Variants in CNTRL observed in about 807,000 individuals in gnomAD.
CNTRL encodes the protein 110 kDa centrosomal protein.
CNTRL carries 233 observed loss-of-function variants against 303.7 expected under a neutral mutation model. The observed-to-expected ratio is 0.77, with a 90% CI of 0.69 to 0.86. CNTRL has a LOEUF of 0.86. CNTRL is among the 40% of genes least tolerant of loss of function. CNTRL has a pLI of 0.00. For synonymous variants in CNTRL, 900 were observed against 922.2 expected (o/e 0.98, Z 0.44); for missense variants, 2,524 against 2,650.6 (o/e 0.95, Z 1.05).
chr9:121,163,179 A>G (rs2052930820), intron 34 of CNTRL, among the ~76,000 whole-genome samples: 1 of 69,868 alleles, frequency 1.4e-5, no homozygotes. Context: ...GTCTCTGCCA[A>G]AAAAAAAAAA....
At chr9:121,108,612 TTA>T (rs1198101334) in intron 8 of CNTRL, among the ~76,000 whole-genome samples, 1 of 152,128 alleles carries the variant, frequency 6.6e-6, no homozygotes, top group Non-Finnish European at 1.5e-5. Flanking sequence ...CTCTATGTCA[TTA>T]TGTTATTTTT....
chr9:121,161,354 C>T (rs142487195), intron 32 of CNTRL: 14 of 401,756 alleles, frequency 3.5e-5, no homozygotes, highest in African/African-American at 2.5e-4. Context: ...ATTTCAAAGG[C>T]CAAAAAATTG....
intron 6 of CNTRL, among the ~76,000 whole-genome samples, chr9:121,097,820 A>G (rs753353292): frequency 5.3e-5 from 8 of 152,218 alleles, no homozygotes; most frequent in Non-Finnish European, 8.8e-5. Flanking sequence ...TGACATTGGC[A>G]TTATGAAGAG....
intron 11 of CNTRL, among the ~76,000 whole-genome samples, chr9:121,117,882 G>A (rs1233056299): frequency 3.3e-5 from 5 of 152,136 alleles, no homozygotes; most frequent in Middle Eastern, 3.4e-3. Context: ...GGGAGGCTGA[G>A]GCAGGAGAAT....
chr9:121,165,208 C>A, intron 35 of CNTRL, 108 bp downstream of exon 35: 3 of 1,092,112 alleles, frequency 2.7e-6, no homozygotes, highest in Non-Finnish European at 3.9e-6. Context: ...GTGTTTCTTT[C>A]TAAAATTAGA....
chr9:121,160,068 A>T (rs1262686348), intron 31 of CNTRL, 75 bp from the exon 32 acceptor site: 1 of 1,151,406 alleles, frequency 8.7e-7, no homozygotes, highest in Non-Finnish European at 1.2e-6. Context: ...TAAAACAATA[A>T]ATAACAGAAC....
rs1475824642 is a variant in CNTRL at position 121,168,273 on chromosome 9, G to A, written c.6022G>A (p.Glu2008Lys). The change falls in exon 38 of 44, where the codon GAA becomes AAA. Residue 2008 changes from glutamate to lysine, a missense_variant. Physicochemically the swap from Glu to Lys is moderately conservative, Grantham distance 56 (BLOSUM62 1). Coordinates refer to ENST00000373855, the MANE Select transcript of CNTRL (RefSeq NM_007018.6). ...AAEERVRTLQEEERWCESLEK... is the reference protein window; with the variant it reads ...AAEERVRTLQKEERWCESLEK... ...TGAAGAGCGTGTTAGGACTCTGCAG[G>A]AAGAGGAGAGGTGGTGTGAGAGCCT... The A allele has an allele frequency of 6.2e-7, 1 of 1,614,180 alleles. No homozygotes were observed. The highest frequency in any genetic ancestry group is 8.5e-7 in the Non-Finnish European group (1 of 1,180,034).
At position 121,118,676 on chromosome 9, in the gene CNTRL, T is replaced by A. The variant is rs928050888; in HGVS notation, c.1650+136T>A. The A allele has an allele frequency of 3.9e-4, 224 of 578,998 alleles. 1 individual carries two copies. Among genetic ancestry groups the A allele is most frequent in the Non-Finnish European group, 8.6e-5 (31 of 361,222 alleles). 35.9% of individuals were successfully genotyped at this position (578,998 alleles called of 1,614,324 possible). Reference sequence around the variant, plus strand: ...AAATTTAAGTGATATATACATACAGTCAGCCCTCCATATCCATGGGTTCTG... The same window carrying A: ...AAATTTAAGTGATATATACATACAGACAGCCCTCCATATCCATGGGTTCTG... On this transcript the variant is annotated intron_variant, in intron 12 of 43. Coordinates refer to ENST00000373855, the MANE Select transcript of CNTRL (RefSeq NM_007018.6).
At position 121,088,440 on chromosome 9, in the gene CNTRL, G is replaced by T. The variant is rs1305346223; in HGVS notation, c.114G>T (p.Leu38Phe). 1 of 1,612,306 alleles carries T rather than the reference G, an allele frequency of 6.2e-7. No individual in the cohort carries two copies. Among genetic ancestry groups the T allele is most frequent in the South Asian group, 1.1e-5 (1 of 91,014 alleles). The change falls in exon 3 of 44, where the codon TTG becomes TTT. Residue 38 changes from leucine to phenylalanine, a missense_variant. Transcript: ENST00000373855. ...SNMRSRSLSPLIGSETLPFHS... is the reference protein window; with the variant it reads ...SNMRSRSLSPFIGSETLPFHS... ...TGAGATCTAGGTCACTTTCACCTTT[G>T]ATTGGATCAGAGACTCTACCTTTTC...
At chr9:121,096,901 G>C (rs2048916116) in intron 6 of CNTRL, among the ~76,000 whole-genome samples, 1 of 151,768 alleles carries the variant, frequency 6.6e-6, no homozygotes, top group Non-Finnish European at 1.5e-5. Context: ...GACAGGTTAA[G>C]TCCCTTATCT....
chr9:121,154,042 G>A (rs1455124926), intron 26 of CNTRL, among the ~76,000 whole-genome samples: 4 of 152,198 alleles, frequency 2.6e-5, no homozygotes, highest in African/African-American at 7.2e-5. Context: ...AGTTATAAAA[G>A]TGTAATAAAT....
intron 21 of CNTRL, 28 bp from the exon 22 acceptor site, chr9:121,145,216 A>T (rs771279829): frequency 6.3e-7 from 1 of 1,591,052 alleles, no homozygotes; most frequent in Non-Finnish European, 8.5e-7. Context: ...TTCATTGGCA[A>T]CTTTGTATGT....
At position 121,081,948 on chromosome 9, in the gene CNTRL, C is replaced by T. The variant is rs116324454; in HGVS notation, c.-32+1470C>T. Among the ~76,000 whole-genome samples the T allele has an allele frequency of 1.3e-3, 201 of 152,288 alleles. 2 individuals are homozygous for T. Among genetic ancestry groups the T allele is most frequent in the African/African-American group, 4.5e-3 (185 of 41,568 alleles). ...CCTTAGTCTTTCTGGTGACTGGCCCCCATCCCAAAGCTGTCTGGGTGTCAC... is the reference window on the plus strand; with the variant it reads ...CCTTAGTCTTTCTGGTGACTGGCCCTCATCCCAAAGCTGTCTGGGTGTCAC... On this transcript the variant is annotated intron_variant, in intron 2 of 43. Transcript: ENST00000373855.
At chr9:121,171,578 C>A in intron 40 of CNTRL, 30 bp downstream of exon 40, 1 of 1,606,040 alleles carries the variant, frequency 6.2e-7, no homozygotes, top group Non-Finnish European at 8.5e-7. Flanking sequence ...AGCTGGCCAG[C>A]CTGGGGAGAG....
chr9:121,116,729 A>T (rs2049993247), intron 11 of CNTRL, among the ~76,000 whole-genome samples: 1 of 152,176 alleles, frequency 6.6e-6, no homozygotes, highest in African/African-American at 2.4e-5. Context: ...AGTGAGATGG[A>T]AGGGATGTGT....
intron 8 of CNTRL, among the ~76,000 whole-genome samples, chr9:121,111,661 A>G (rs750741177): frequency 3.9e-5 from 6 of 152,168 alleles, no homozygotes; most frequent in Non-Finnish European, 7.4e-5. Flanking sequence ...GGTTTAGTAG[A>G]AAGGAGCTAG....
chr9:121,154,785 C>T lies in CNTRL; in HGVS notation c.4237C>T (p.His1413Tyr). 2.5e-6 allele frequency: 4 copies of T among 1,611,722 alleles called. No individual in the cohort carries two copies. Among genetic ancestry groups the T allele is most frequent in the Non-Finnish European group, 3.4e-6 (4 of 1,177,832 alleles). The change falls in exon 27 of 44, where the codon CAT becomes TAT. Residue 1413 changes from histidine (H) to tyrosine (Y), a missense_variant. Physicochemically the swap from His to Tyr is moderately conservative, Grantham distance 83. Transcript: ENST00000373855. ...ACTAGAAATAGAAAAATCACTCAAA[C>T]ATCATGAAGATATTGTAGATGAAAT... Reference protein sequence around the residue: ...TELEIEKSLKHHEDIVDEIEC... With the variant: ...TELEIEKSLKYHEDIVDEIEC...
At chr9:121,118,612 C>T (rs1458385173) in intron 12 of CNTRL, 72 bp downstream of exon 12, 9 of 1,246,730 alleles carry the variant, frequency 7.2e-6, no homozygotes, top group Non-Finnish European at 9.8e-6. Context: ...GCATCAGAGT[C>T]CAGAGTCCTT....
chr9:121,149,645 G>T (rs2134192916), intron 24 of CNTRL, among the ~76,000 whole-genome samples: 1 of 152,184 alleles, frequency 6.6e-6, no homozygotes, highest in Non-Finnish European at 1.5e-5. Flanking sequence ...GACCTCAAGT[G>T]ATCTGCCTGC....
Sources: gnomAD v4.1 joint callset for allele counts (sites outside exome capture counted in the v4.1 genomes callset) on GRCh38, gnomAD v4.1.1 for gene constraint, MANE v1.5 for transcripts, NCBI Gene and HGNC (gene_info 2026-07-23, HGNC 2026-07-21) for gene names.